Variants in TAX1BP3 observed in about 807,000 individuals in gnomAD.
TAX1BP3 encodes the protein tax1-binding protein 3.
In TAX1BP3, 13 loss-of-function variants were observed where a neutral mutation model predicts 15.3. The ratio of observed to expected loss-of-function variants is 0.85; its 90% CI spans 0.55 to 1.35. The LOEUF is 1.35. Ranked by LOEUF, TAX1BP3 falls within the 40% of genes most tolerant of loss-of-function variation. The probability of loss-of-function intolerance (pLI) is 0.00; values close to 1 mark genes in which losing one functional copy is unlikely to be tolerated. For missense variants in TAX1BP3, 147 were observed against 169.6 expected (o/e 0.87, Z 0.74); for synonymous variants, 70 against 66.0 (o/e 1.06, Z -0.30).
Position 3,663,344 on chromosome 17 carries a change from G to A in TAX1BP3, c.*404C>T, listed in dbSNP as rs1226745699. The A allele has an allele frequency of 1.8e-5, 3 of 165,646 alleles. No individual in the cohort carries two copies. Among genetic ancestry groups the A allele is most frequent in the Non-Finnish European group, 2.6e-5 (2 of 76,962 alleles). 10.3% of individuals were successfully genotyped at this position (165,646 alleles called of 1,614,324 possible). On this transcript the variant is annotated 3_prime_UTR_variant, in exon 4 of 4. Coordinates refer to ENST00000225525, the MANE Select transcript of TAX1BP3 (RefSeq NM_014604.4). ...TGGACACACGAGGGCTGGGGGGCAG[G>A]GGCGGAGCCGAACCCTGCAGCCAGG... is the stretch of plus-strand genomic sequence containing the variant.
Position 3,668,429 on chromosome 17 carries a change from C to G in TAX1BP3, c.39+59G>C. The G allele has an allele frequency of 6.3e-7, 1 of 1,586,806 alleles. No homozygotes were observed. The highest frequency in any genetic ancestry group is 1.1e-5 in the South Asian group (1 of 88,264). Reference sequence around the variant, plus strand: ...GTCAACCTGCTTGGGGTGTCCGTTTCCCGCTCTGCGAGGTGGGGTCAGGCC... The same window carrying G: ...GTCAACCTGCTTGGGGTGTCCGTTTGCCGCTCTGCGAGGTGGGGTCAGGCC... On this transcript the variant is annotated intron_variant, in intron 1 of 3. Transcript: ENST00000225525. The surrounding 1 kb of genome is among the most constrained non-coding windows in gnomAD (Gnocchi z 4.1).
At chr17:3,665,370 G>A in intron 1 of TAX1BP3, 1 of 1,381,384 alleles carries the variant, frequency 7.2e-7, no homozygotes, top group Non-Finnish European at 1.0e-6. Context: ...TGTTCAAAAA[G>A]GAATGCCCCA....
chr17:3,667,236 G>A (rs1334004549), intron 1 of TAX1BP3, among the ~76,000 whole-genome samples: 5 of 152,022 alleles, frequency 3.3e-5, no homozygotes, highest in Admixed American at 1.3e-4. Context: ...CCAGCTACTC[G>A]GGAGGCTGAG....
intron 1 of TAX1BP3, among the ~76,000 whole-genome samples, chr17:3,667,120 G>C (rs1348524140): frequency 6.6e-6 from 1 of 152,026 alleles, no homozygotes; most frequent in African/African-American, 2.4e-5. Context: ...GAGGCAGGTG[G>C]ATCACCAGAG....
intron 2 of TAX1BP3, 171 bp from the exon 3 acceptor site, chr17:3,664,443 C>T (rs1339244099): frequency 4.3e-6 from 4 of 932,658 alleles, no homozygotes; most frequent in Admixed American, 2.1e-5. Context: ...AGAGTTGCTG[C>T]ACCACCATGC....
intron 1 of TAX1BP3, chr17:3,665,759 AAAAAAAG>A: frequency 1.6e-6 from 1 of 616,164 alleles, no homozygotes; most frequent in Non-Finnish European, 2.9e-6. Flanking sequence ...AAAAAAAAAA[AAAAAAAG>A]AAAGGAGAGG....
Position 3,664,799 on chromosome 17 carries a change from C to G in TAX1BP3, c.40-1G>C, listed in dbSNP as rs770502754. On this transcript the variant is annotated splice_acceptor_variant, in intron 1 of 3. Coordinates refer to ENST00000225525, the MANE Select transcript of TAX1BP3 (RefSeq NM_014604.4). LOFTEE classifies it high-confidence loss of function. Reference sequence around the variant, plus strand: ...GCAGCTTGTGAATTTCAACTCTTTGCTGGCAAAGAAAAAAGCCAGTTGAGA... The same window carrying G: ...GCAGCTTGTGAATTTCAACTCTTTGGTGGCAAAGAAAAAAGCCAGTTGAGA... 6.2e-7 allele frequency: 1 copy of G among 1,612,040 alleles called. No individual in the cohort carries two copies. Among genetic ancestry groups the G allele is most frequent in the Non-Finnish European group, 8.5e-7 (1 of 1,179,170 alleles).
At position 3,663,853 on chromosome 17, in the gene TAX1BP3, G is replaced by A. The variant is rs141438157; in HGVS notation, c.270C>T (p.His90=). 2.1e-5 allele frequency: 33 copies of A among 1,609,258 alleles called. No homozygotes were observed. Among genetic ancestry groups the A allele is most frequent in the East Asian group, 1.3e-4 (6 of 44,884 alleles). Residue 90 remains histidine (H), a synonymous_variant, in exon 4 of 4, where the codon CAC becomes CAT. Transcript: ENST00000225525. ...VNGWDMTMVT[H]DQARKRLTKR... is the part of the protein sequence containing the mutation. ...TGGTGAGCCGCTTGCGGGCCTGGTC[G>A]TGTGTGACCATGGTCATGTCCCAGC...
chr17:3,664,128 C>T, intron 3 of TAX1BP3, 67 bp downstream of exon 3: 1 of 1,592,686 alleles, frequency 6.3e-7, no homozygotes, highest in East Asian at 2.2e-5. Flanking sequence ...GGGGCAGCTC[C>T]CCACCCCCAA....
Position 3,663,820 on chromosome 17 carries a change from C to A in TAX1BP3, c.303G>T (p.Ser101=). 1 of 1,609,458 alleles carries A rather than the reference C, an allele frequency of 6.2e-7. No individual in the cohort carries two copies. Among genetic ancestry groups the A allele is most frequent in the Non-Finnish European group, 8.5e-7 (1 of 1,179,898 alleles). Residue 101 remains serine (S), a synonymous_variant, in exon 4 of 4, where the codon TCG becomes TCT. Transcript: ENST00000225525. The part of the protein sequence containing the change: ...DQARKRLTKR[S]EEVVRLLVTR... Reference sequence around the variant, plus strand: ...TCACCAGCAGACGCACCACCTCCTCCGAGCGCTTGGTGAGCCGCTTGCGGG... The same window carrying A: ...TCACCAGCAGACGCACCACCTCCTCAGAGCGCTTGGTGAGCCGCTTGCGGG...
Position 3,668,372 on chromosome 17 carries a change from C to G in TAX1BP3, c.39+116G>C. The G allele has an allele frequency of 2.2e-6, 3 of 1,356,516 alleles. No homozygotes were observed. Among genetic ancestry groups the G allele is most frequent in the Non-Finnish European group, 3.0e-6 (3 of 1,010,808 alleles). 84.0% of individuals were successfully genotyped at this position (1,356,516 alleles called of 1,614,324 possible). A position where few individuals can be genotyped will look rare whatever the true frequency, so the allele number is the denominator to read the frequency against. Reference sequence around the variant, plus strand: ...AAAGCGGGGACCCGAGCCCTTGCCGCCGGTTCGCAGGAGCCCCGGGTTCGA... The same window carrying G: ...AAAGCGGGGACCCGAGCCCTTGCCGGCGGTTCGCAGGAGCCCCGGGTTCGA... On this transcript the variant is annotated intron_variant, in intron 1 of 3. Transcript: ENST00000225525. This position sits in a 1 kb window ranked among gnomAD's most constrained non-coding sequence, Gnocchi z 4.1.
Position 3,663,581 on chromosome 17 carries a change from G to T in TAX1BP3, c.*167C>A. Reference sequence around the variant, plus strand: ...AGAAAGCCGGTCCCAGAGGCCCCAGGCCAGGGATGGGAGAAGGGAAGGAAG... The same window carrying T: ...AGAAAGCCGGTCCCAGAGGCCCCAGTCCAGGGATGGGAGAAGGGAAGGAAG... On this transcript the variant is annotated 3_prime_UTR_variant, in exon 4 of 4. Coordinates refer to ENST00000225525, the MANE Select transcript of TAX1BP3 (RefSeq NM_014604.4). 1 of 1,053,904 alleles carries T rather than the reference G, an allele frequency of 9.5e-7. No homozygotes were observed. Among genetic ancestry groups the T allele is most frequent in the Non-Finnish European group, 1.3e-6 (1 of 773,714 alleles). 65.3% of individuals were successfully genotyped at this position (1,053,904 alleles called of 1,614,324 possible).
At chr17:3,665,575 C>T (rs1291332802) in intron 1 of TAX1BP3, 58 of 1,373,942 alleles carry the variant, frequency 4.2e-5, no homozygotes, top group South Asian at 2.4e-4. Context: ...AAGAAAGAAG[C>T]CAAAGAGAAA....
chr17:3,665,632 C>T lies in TAX1BP3; in HGVS notation c.40-834G>A, dbSNP rs934908761. ...CACCAGCCTGCTCCACCCAGGGAAGCACACTTTGTGAGAACCAACGGGAAG... is the reference window on the plus strand; with the variant it reads ...CACCAGCCTGCTCCACCCAGGGAAGTACACTTTGTGAGAACCAACGGGAAG... On this transcript the variant is annotated intron_variant, in intron 1 of 3. Coordinates refer to ENST00000225525, the MANE Select transcript of TAX1BP3 (RefSeq NM_014604.4). 6.0e-6 allele frequency: 7 copies of T among 1,176,262 alleles called. No individual in the cohort carries two copies. The African/African-American group carries it at 9.3e-5, about 16-fold the overall frequency. 72.9% of individuals were successfully genotyped at this position (1,176,262 alleles called of 1,614,324 possible). A position where few individuals can be genotyped will look rare whatever the true frequency, so the allele number is the denominator to read the frequency against.
intron 1 of TAX1BP3, among the ~76,000 whole-genome samples, chr17:3,666,044 C>T (rs1246067888): frequency 6.6e-6 from 1 of 152,236 alleles, no homozygotes. Context: ...CCAACTGTGC[C>T]AGGTTCTTTT....
rs1241160033 is a variant in TAX1BP3, at chr17:3,668,133, G to C, written c.39+355C>G. On this transcript the variant is annotated intron_variant, in intron 1 of 3. Coordinates refer to ENST00000225525, the MANE Select transcript of TAX1BP3 (RefSeq NM_014604.4). This position sits in a 1 kb window ranked among gnomAD's most constrained non-coding sequence, Gnocchi z 4.1. ...CCTCATTCCAGAGGCTGCGACTCAT[G>C]GACGTCGGGATCGGCGCCCGCCCCC... Among the ~76,000 whole-genome samples the C allele has an allele frequency of 6.6e-6, 1 of 152,248 alleles. No homozygotes were observed. The highest frequency in any genetic ancestry group is 1.5e-5 in the Non-Finnish European group (1 of 68,032).
chr17:3,664,523 C>A, intron 2 of TAX1BP3, 156 bp downstream of exon 2: 3 of 1,142,588 alleles, frequency 2.6e-6, no homozygotes, highest in Non-Finnish European at 3.8e-6. Context: ...TCACCCCACC[C>A]GTCCTTATTC....
chr17:3,667,127 A>G (rs1257199415), intron 1 of TAX1BP3, among the ~76,000 whole-genome samples: 1 of 151,968 alleles, frequency 6.6e-6, no homozygotes, highest in Non-Finnish European at 1.5e-5. Context: ...GTGGATCACC[A>G]GAGGTCAGGA....
At position 3,664,813 on chromosome 17, in the gene TAX1BP3, A is replaced by C; in HGVS notation, c.40-15T>G. ...TCAACTCTTTGCTGGCAAAGAAAAA[A>C]GCCAGTTGAGAGAAGTGGGTGGTTG... On this transcript the variant is annotated splice_polypyrimidine_tract_variant and intron_variant, in intron 1 of 3. Transcript: ENST00000225525. 1 of 1,611,464 alleles carries C rather than the reference A, an allele frequency of 6.2e-7. No homozygotes were observed. The highest frequency in any genetic ancestry group is 2.2e-5 in the East Asian group (1 of 44,862).
Sources: allele counts gnomAD v4.1 joint callset (sites outside exome capture counted in the v4.1 genomes callset), GRCh38; gene constraint gnomAD v4.1.1; non-coding constraint Gnocchi (gnomAD v3.1); transcripts MANE v1.5; gene names NCBI Gene and HGNC (gene_info 2026-07-23, HGNC 2026-07-21).